The following GHR variants were observed in gnomAD, a reference collection of about 807,000 sequenced individuals.
GHR encodes GH receptor.
Under a neutral mutation model 67.1 loss-of-function variants are expected in GHR, and 35 were observed. The observed-to-expected ratio is 0.52, with a 90% confidence interval of 0.40 to 0.69. The LOEUF (loss-of-function observed/expected upper bound fraction) is 0.69. Ranked by LOEUF, GHR falls within the 30% of genes least tolerant of loss-of-function variation. The pLI is 0.00. For synonymous variants in GHR, 272 were observed against 269.1 expected, an observed-to-expected ratio of 1.01 and a Z score of -0.10; for missense variants, 792 against 764.6, an observed-to-expected ratio of 1.04 and a Z score of -0.42.
chr5:42,626,934 C>A (rs1322039565), intron 2 of GHR, among the ~76,000 whole-genome samples: 1 of 152,172 alleles, frequency 6.6e-6, no homozygotes, highest in South Asian at 2.1e-4. Context: ...ACAAGAGATG[C>A]ATACTTTTCT....
At chr5:42,591,273 T>C (rs1344302150) in intron 2 of GHR, among the ~76,000 whole-genome samples, 2 of 152,232 alleles carry the variant, frequency 1.3e-5, no homozygotes, top group African/African-American at 4.8e-5. Context: ...TCGCATTTGG[T>C]CATCAAAGGA....
At chr5:42,661,073 A>AAATG (rs1755586196) in intron 3 of GHR, among the ~76,000 whole-genome samples, 1 of 151,600 alleles carries the variant, frequency 6.6e-6, no homozygotes, top group Non-Finnish European at 1.5e-5. Flanking sequence ...GAATAAAAAG[A>AAATG]AACAAAGCCT....
intron 6 of GHR, among the ~76,000 whole-genome samples, chr5:42,702,200 A>T (rs1048235910): frequency 6.6e-5 from 10 of 151,932 alleles, no homozygotes; most frequent in Non-Finnish European, 1.0e-4. Context: ...TATCTCCTTA[A>T]CTCTGCACCC....
At chr5:42,535,993 T>C (rs1748240261) in intron 1 of GHR, among the ~76,000 whole-genome samples, 1 of 152,182 alleles carries the variant, frequency 6.6e-6, no homozygotes, top group African/African-American at 2.4e-5. Flanking sequence ...GAAGAGCTAC[T>C]GATTTGTGTA....
chr5:42,636,382 C>T (rs911555658), intron 3 of GHR, among the ~76,000 whole-genome samples: 1 of 152,204 alleles, frequency 6.6e-6, no homozygotes, highest in Non-Finnish European at 1.5e-5. Context: ...TTCTTTCACC[C>T]TGGGTGACCC....
intron 8 of GHR, 45 bp from the exon 9 acceptor site, chr5:42,718,007 T>C (rs758677071): frequency 1.2e-6 from 1 of 861,398 alleles, no homozygotes; most frequent in Non-Finnish European, 2.0e-6. Context: ...ATTGAGAATA[T>C]GTAGCTTTTA....
At chr5:42,523,801 G>A (rs1412745868) in intron 1 of GHR, among the ~76,000 whole-genome samples, 2 of 152,126 alleles carry the variant, frequency 1.3e-5, no homozygotes, top group Admixed American at 6.5e-5. Flanking sequence ...GCACCCAGGG[G>A]GTGGTAATTG....
At chr5:42,641,164 AAGATGAG>A (rs1754454606) in intron 3 of GHR, among the ~76,000 whole-genome samples, 2 of 128,312 alleles carry the variant, frequency 1.6e-5, no homozygotes, top group Admixed American at 1.5e-4. Context: ...AGGTACAAAA[AAGATGAG>A]GCTGTACACA....
At chr5:42,449,585 G>A (rs114942587) in intron 1 of GHR, among the ~76,000 whole-genome samples, 314 of 152,260 alleles carry the variant, frequency 2.1e-3, no homozygotes, top group African/African-American at 7.3e-3. Flanking sequence ...TTGGTGAACA[G>A]TGACAGTTGG....
In GHR at chr5:42,576,103, TAAAATAAAATAAAATAAAATAAAATAAAA is replaced by T. The variant is rs1750694300; in HGVS notation, c.70+10160_70+10188del. ...ATAAAATAAAATAAAATAAAATAAA[TAAAATAAAATAAAATAAAATAAAATAAAA>T]TAAAATAAAATAGTAAAGTAAAATA... is the stretch of plus-strand genomic sequence containing the variant. On this transcript the variant is annotated intron_variant, in intron 2 of 9. Coordinates refer to ENST00000230882, the MANE Select transcript of GHR (RefSeq NM_000163.5). Among the ~76,000 whole-genome samples the T allele has an allele frequency of 1.4e-3, 71 of 52,562 alleles. 1 individual carries two copies. Among genetic ancestry groups the T allele is most frequent in the African/African-American group, 6.3e-3 (61 of 9,672 alleles). 34.5% of individuals were successfully genotyped at this position (52,562 alleles called of 152,430 possible). A position where few individuals can be genotyped will look rare whatever the true frequency, so the allele number is the denominator to read the frequency against.
chr5:42,550,886 C>T (rs370704837), intron 1 of GHR, among the ~76,000 whole-genome samples: 49 of 152,140 alleles, frequency 3.2e-4, no homozygotes, highest in African/African-American at 1.2e-3. Context: ...CACCAACACC[C>T]GGCACCCTCA....
chr5:42,518,432 C>G (rs775043350), intron 1 of GHR, among the ~76,000 whole-genome samples: 4 of 152,094 alleles, frequency 2.6e-5, no homozygotes, highest in African/African-American at 2.4e-5. Flanking sequence ...AATGAAGGAA[C>G]TAATTGTCTC....
intron 3 of GHR, among the ~76,000 whole-genome samples, chr5:42,632,113 A>C (rs559118679): frequency 1.3e-5 from 2 of 152,072 alleles, no homozygotes; most frequent in African/African-American, 2.4e-5. Flanking sequence ...TGCTCTCCCT[A>C]CTACCTAAAC....
At chr5:42,526,280 C>G (rs1389510814) in intron 1 of GHR, among the ~76,000 whole-genome samples, 1 of 152,056 alleles carries the variant, frequency 6.6e-6, no homozygotes, top group African/African-American at 2.4e-5. Context: ...TTTCTTAAGC[C>G]AAAGCCTAAT....
chr5:42,513,778 G>A (rs4866932), intron 1 of GHR, among the ~76,000 whole-genome samples: 2,904 of 150,610 alleles, frequency 0.019, 156 homozygotes, highest in East Asian at 0.13. Context: ...GCAAAACTCC[G>A]TCTCAAAAAA....
intron 3 of GHR, among the ~76,000 whole-genome samples, chr5:42,656,641 T>C (rs952800891): frequency 1.3e-5 from 2 of 152,140 alleles, no homozygotes; most frequent in Admixed American, 6.5e-5. Flanking sequence ...TTGCAGCAAT[T>C]CACCACATTG....
chr5:42,544,639 TC>T (rs1748657558), intron 1 of GHR, among the ~76,000 whole-genome samples: 1 of 152,162 alleles, frequency 6.6e-6, no homozygotes, highest in Non-Finnish European at 1.5e-5. Context: ...ATATCAGTGA[TC>T]CACCCTTGTT....
intron 1 of GHR, among the ~76,000 whole-genome samples, chr5:42,562,029 C>G (rs1734328879): frequency 1.3e-5 from 2 of 152,060 alleles, no homozygotes. Flanking sequence ...AATAGAGGGA[C>G]TTTCTTATTC....
At chr5:42,486,842 G>T (rs1056164614) in intron 1 of GHR, among the ~76,000 whole-genome samples, 46 of 142,722 alleles carry the variant, frequency 3.2e-4, no homozygotes, top group African/African-American at 9.7e-4. Flanking sequence ...GCGAGACTCC[G>T]TCTCAAAAAA....
Sources: gnomAD v4.1 joint callset for allele counts (sites outside exome capture counted in the v4.1 genomes callset) on GRCh38, gnomAD v4.1.1 for gene constraint, MANE v1.5 for transcripts, NCBI Gene and HGNC (gene_info 2026-07-23, HGNC 2026-07-21) for gene names.